The following TMEM232 variants were observed in gnomAD, a reference collection of about 807,000 sequenced individuals.
The protein encoded by TMEM232 is transmembrane protein 232.
In TMEM232, 80 loss-of-function variants were observed where a neutral mutation model predicts 78.8. That is an observed-to-expected ratio of 1.01 (90% CI 0.85 to 1.22). TMEM232 has a LOEUF of 1.22. Ranked by LOEUF, TMEM232 falls within the 50% of genes most tolerant of loss-of-function variation. The probability of loss-of-function intolerance (pLI) is 0.00; values close to 1 mark genes in which losing one functional copy is unlikely to be tolerated. For missense variants in TMEM232, 881 were observed against 742.2 expected (o/e 1.19, Z -2.17); for synonymous variants, 297 against 254.3 (o/e 1.17, Z -1.60).
intron 8 of TMEM232, among the ~76,000 whole-genome samples, chr5:110,616,978 C>T (rs549041776): frequency 2.0e-5 from 3 of 152,262 alleles, no homozygotes; most frequent in African/African-American, 7.2e-5. Context: ...AACTGAACTA[C>T]GTTCATTGCA....
intron 12 of TMEM232, among the ~76,000 whole-genome samples, chr5:110,521,165 GA>G (rs1769444041): frequency 6.6e-6 from 1 of 152,056 alleles, no homozygotes; most frequent in Non-Finnish European, 1.5e-5. Context: ...CTCTTCAGGT[GA>G]CCTCTCATCC....
intron 2 of TMEM232, among the ~76,000 whole-genome samples, chr5:110,665,123 T>C (rs1790389821): frequency 6.6e-6 from 1 of 152,192 alleles, no homozygotes; most frequent in Non-Finnish European, 1.5e-5. Flanking sequence ...ATTGTATGTA[T>C]ACCATTATAT....
In TMEM232 at chr5:110,425,170, C is replaced by T. The variant is rs113602267; in HGVS notation, c.1704-254G>A. ...GTGCATATCCCCATACACAGCTCCA[C>T]AACCCTGAAAGTTCTGGTGGAAGCC... is the stretch of plus-strand genomic sequence containing the variant. On this transcript the variant is annotated intron_variant, in intron 12 of 13. Coordinates refer to ENST00000455884, the MANE Select transcript of TMEM232 (RefSeq NM_001039763.4). 3.1e-3 allele frequency among the ~76,000 whole-genome samples: 479 copies of T among 152,142 alleles called. 1 individual carries two copies. The highest frequency in any genetic ancestry group is 0.011 in the African/African-American group (465 of 41,510).
intron 12 of TMEM232, among the ~76,000 whole-genome samples, chr5:110,518,758 T>C (rs959774434): frequency 2.6e-5 from 4 of 152,036 alleles, no homozygotes; most frequent in African/African-American, 4.8e-5. Flanking sequence ...GCAGCAACAC[T>C]CATATGATTT....
intron 1 of TMEM232, among the ~76,000 whole-genome samples, chr5:110,686,657 A>G (rs948547600): frequency 1.3e-5 from 2 of 152,142 alleles, no homozygotes; most frequent in African/African-American, 4.8e-5. Context: ...ACTATATGCA[A>G]ATTTTACTTC....
chr5:110,524,977 G>A (rs536993054), intron 12 of TMEM232, among the ~76,000 whole-genome samples: 6 of 151,922 alleles, frequency 3.9e-5, no homozygotes, highest in Middle Eastern at 3.4e-3. Flanking sequence ...CCTTTGGTTA[G>A]CATTTGCAAG....
At chr5:110,721,651 T>C (rs1797617644) in intron 1 of TMEM232, among the ~76,000 whole-genome samples, 1 of 13,880 alleles carries the variant, frequency 7.2e-5, no homozygotes, top group Non-Finnish European at 2.1e-4. Flanking sequence ...TGAGTCTGCA[T>C]ATCATGTGTG....
chr5:110,395,967 A>G (rs1475619620), intron 3 of TMEM232, among the ~76,000 whole-genome samples: 1 of 152,212 alleles, frequency 6.6e-6, no homozygotes, highest in Non-Finnish European at 1.5e-5. Flanking sequence ...AATATAAGAT[A>G]GAAGGAGCCT....
chr5:110,426,442 A>T (rs1259052231), intron 12 of TMEM232, among the ~76,000 whole-genome samples: 1 of 152,056 alleles, frequency 6.6e-6, no homozygotes, highest in Non-Finnish European at 1.5e-5. Flanking sequence ...GAGAACTATG[A>T]TATGCTTTAA....
intron 5 of TMEM232, 59 bp from the exon 6 acceptor site, chr5:110,627,939 C>T: frequency 8.6e-7 from 1 of 1,163,710 alleles, no homozygotes; most frequent in Non-Finnish European, 1.2e-6. Context: ...GTTTAAAAAC[C>T]ATAAGAAAAA....
upstream of TMEM232, chr5:110,738,936 A>T: frequency 7.0e-7 from 1 of 1,427,028 alleles, no homozygotes; most frequent in Non-Finnish European, 9.1e-7. Flanking sequence ...GTGCCCTTTA[A>T]TGGTTGCCGG....
chr5:110,467,919 G>T (rs1463252443), intron 12 of TMEM232, among the ~76,000 whole-genome samples: 1 of 143,344 alleles, frequency 7.0e-6, no homozygotes, highest in Non-Finnish European at 1.5e-5. Flanking sequence ...ATACTCTTTG[G>T]CTTTGGGTGC....
intron 2 of TMEM232, among the ~76,000 whole-genome samples, chr5:110,656,458 C>A (rs890279513): frequency 1.3e-5 from 2 of 152,106 alleles, no homozygotes; most frequent in South Asian, 4.1e-4. Context: ...TACAAACAAG[C>A]ATCCTAGACT....
chr5:110,571,422 G>A (rs922716860), intron 10 of TMEM232, among the ~76,000 whole-genome samples: 11 of 152,040 alleles, frequency 7.2e-5, no homozygotes, highest in Admixed American at 5.3e-4. Flanking sequence ...AAGACATTTA[G>A]GTCAGGAATA....
chr5:110,641,040 T>A, intron 3 of TMEM232, 44 bp from the exon 4 acceptor site: 1 of 1,189,872 alleles, frequency 8.4e-7, no homozygotes, highest in African/African-American at 1.6e-5. Flanking sequence ...AATGTACATA[T>A]TTTTATATAT....
chr5:110,445,901 T>G (rs1759593572), intron 12 of TMEM232, among the ~76,000 whole-genome samples: 1 of 152,134 alleles, frequency 6.6e-6, no homozygotes, highest in African/African-American at 2.4e-5. Context: ...AATTACAATC[T>G]TTTTGCAACC....
intron 12 of TMEM232, among the ~76,000 whole-genome samples, chr5:110,450,936 C>T (rs1167295871): frequency 6.6e-6 from 1 of 152,160 alleles, no homozygotes; most frequent in Non-Finnish European, 1.5e-5. Context: ...AGTGGAACTA[C>T]TCTAGGCCTT....
At chr5:110,526,025 C>CAAAAAAAAAAAAAAAAAA (rs758110596) in intron 12 of TMEM232, among the ~76,000 whole-genome samples, 1 of 47,810 alleles carries the variant, frequency 2.1e-5, no homozygotes, top group Non-Finnish European at 4.0e-5. Flanking sequence ...CACCATACAC[C>CAAAAAAAAAAAAAAAAAA]AAAAAAAAAA....
chr5:110,697,145 A>AT (rs1794887058), intron 1 of TMEM232, among the ~76,000 whole-genome samples: 1 of 152,172 alleles, frequency 6.6e-6, no homozygotes, highest in South Asian at 2.1e-4. Flanking sequence ...ATAATGCCGC[A>AT]TATCTGCAAC....
Sources: allele counts gnomAD v4.1 joint callset (sites outside exome capture counted in the v4.1 genomes callset), GRCh38; gene constraint gnomAD v4.1.1; transcripts MANE v1.5; gene names NCBI Gene and HGNC (gene_info 2026-07-23, HGNC 2026-07-21).